The following IFT46 variants were observed in gnomAD, a reference collection of about 807,000 sequenced individuals.
IFT46 encodes intraflagellar transport 46, also known as intraflagellar transport protein 46 homolog.
A neutral mutation model predicts 39.6 loss-of-function variants in IFT46; 19 were observed. The ratio of observed to expected loss-of-function variants is 0.48; its 90% CI spans 0.33 to 0.70. IFT46 has a LOEUF of 0.70. IFT46 is among the 30% of genes least tolerant of loss of function. IFT46 has a pLI of 0.01. For synonymous variants in IFT46, 117 were observed against 134.8 expected, an observed-to-expected ratio of 0.87 and a Z score of 0.91; for missense variants, 334 against 364.8, an observed-to-expected ratio of 0.92 and a Z score of 0.69.
chr11:118,560,390 C>T lies in IFT46; in HGVS notation c.-35-526G>A, dbSNP rs1938001480. On this transcript the variant is annotated intron_variant, in intron 2 of 11. Coordinates refer to ENST00000264021, the MANE Select transcript of IFT46 (RefSeq NM_001168618.2). ...GCAGTGTCCAGTGTTCATGCTGCTG[C>T]ACTCCAGCCCGGGCAACAGAGTGAG... 3 of 171,512 alleles carry T rather than the reference C, an allele frequency of 1.7e-5. No individual in the cohort carries two copies. In the South Asian group the frequency reaches 4.0e-4, roughly 23 times the overall value. 10.6% of individuals were successfully genotyped at this position (171,512 alleles called of 1,614,324 possible). A position where few individuals can be genotyped will look rare whatever the true frequency, so the allele number is the denominator to read the frequency against.
At chr11:118,567,631 C>G (rs1471010823), upstream of IFT46, among the ~76,000 whole-genome samples, 2 of 151,950 alleles carry the variant, frequency 1.3e-5, no homozygotes, top group African/African-American at 4.8e-5. Context: ...GAAATTTGAC[C>G]CTGAAAACCT....
chr11:118,554,965 C>T, intron 6 of IFT46, 25 bp downstream of exon 6: 6 of 1,515,262 alleles, frequency 4.0e-6, no homozygotes, highest in Non-Finnish European at 5.5e-6. Flanking sequence ...CTTAAGGAGT[C>T]ATTTTCAGGA....
chr11:118,544,628 T>C lies in IFT46; in HGVS notation c.*288A>G, dbSNP rs1392698877. The C allele has an allele frequency of 2.8e-6, 1 of 354,616 alleles. No individual in the cohort carries two copies. Among genetic ancestry groups the C allele is most frequent in the Non-Finnish European group, 5.1e-6 (1 of 195,328 alleles). 22.0% of individuals were successfully genotyped at this position (354,616 alleles called of 1,614,324 possible). A position where few individuals can be genotyped will look rare whatever the true frequency, so the allele number is the denominator to read the frequency against. On this transcript the variant is annotated 3_prime_UTR_variant, in exon 12 of 12. Coordinates refer to ENST00000264021, the MANE Select transcript of IFT46 (RefSeq NM_001168618.2). ...CTCACAAAAAGGACATCTTTTAAGC[T>C]TTCCTCCCAATCTAACCTCCATGGG...
intron 7 of IFT46, among the ~76,000 whole-genome samples, chr11:118,553,008 G>T (rs1937700097): frequency 6.6e-6 from 1 of 151,700 alleles, no homozygotes; most frequent in Non-Finnish European, 1.5e-5. Context: ...AGGATTGCTT[G>T]CAGATCGAGG....
At chr11:118,557,423 GAA>G (rs1937879205) in intron 3 of IFT46, 1 of 397,446 alleles carries the variant, frequency 2.5e-6, no homozygotes, top group Non-Finnish European at 4.5e-6. Flanking sequence ...CAGGGAATAT[GAA>G]GTGGGAATAG....
exon 1 of IFT46, chr11:118,572,624 A>AG: frequency 1.3e-6 from 2 of 1,557,218 alleles, no homozygotes; most frequent in Non-Finnish European, 1.7e-6. Flanking sequence ...GGCCTGGGGC[A>AG]GGGGCCGGAG....
chr11:118,559,897 T>C, intron 2 of IFT46, 33 bp from the exon 3 acceptor site: 1 of 1,202,892 alleles, frequency 8.3e-7, no homozygotes, highest in Non-Finnish European at 1.2e-6. Flanking sequence ...TAGATTATTG[T>C]TAAAATGATT....
At chr11:118,571,169 T>C (rs1555072310) in intron 1 of IFT46, among the ~76,000 whole-genome samples, 3 of 152,266 alleles carry the variant, frequency 2.0e-5, no homozygotes. Context: ...TTTTCTTCTA[T>C]TCTGGATCTT....
At chr11:118,551,621 C>T (rs566241301) in intron 9 of IFT46, among the ~76,000 whole-genome samples, 165 bp downstream of exon 9, 45 of 148,234 alleles carry the variant, frequency 3.0e-4, no homozygotes, top group Non-Finnish European at 4.7e-4. Flanking sequence ...CTGCAGTGAG[C>T]CATGATCATG....
At chr11:118,552,015 G>T (rs1297864275) in intron 8 of IFT46, among the ~76,000 whole-genome samples, 163 bp from the exon 9 acceptor site, 4 of 152,178 alleles carry the variant, frequency 2.6e-5, no homozygotes, top group African/African-American at 9.7e-5. Context: ...AGGGCCTGGG[G>T]TTTGGAGGAG....
chr11:118,576,213 G>C (rs554680142), upstream of IFT46, among the ~76,000 whole-genome samples: 4 of 151,818 alleles, frequency 2.6e-5, no homozygotes, highest in African/African-American at 9.7e-5. Flanking sequence ...GTGTAGGAGA[G>C]AGTTGTTATT....
intron 7 of IFT46, among the ~76,000 whole-genome samples, 156 bp downstream of exon 7, chr11:118,554,303 G>A (rs531801276): frequency 1.3e-5 from 2 of 151,818 alleles, no homozygotes; most frequent in East Asian, 1.9e-4. Context: ...TGATCCACCC[G>A]CCTCGGCCTC....
At chr11:118,554,090 G>A (rs1419971566) in intron 7 of IFT46, among the ~76,000 whole-genome samples, 2 of 140,720 alleles carry the variant, frequency 1.4e-5, no homozygotes, top group Non-Finnish European at 3.0e-5. Context: ...TAGCTCTGTT[G>A]CCCAGGCTGG....
chr11:118,549,317 C>T (rs983306684), intron 9 of IFT46, among the ~76,000 whole-genome samples: 1 of 151,064 alleles, frequency 6.6e-6, no homozygotes, highest in Non-Finnish European at 1.5e-5. Flanking sequence ...CTGGGATTTA[C>T]AGGTATGAGC....
At chr11:118,546,304 C>T (rs530807840) in intron 9 of IFT46, 2 of 614,850 alleles carry the variant, frequency 3.3e-6, no homozygotes, top group South Asian at 4.0e-5. Flanking sequence ...TCGAGACCAG[C>T]CTGGGCAACA....
At position 118,544,954 on chromosome 11, in the gene IFT46, A is replaced by T; in HGVS notation, c.877T>A (p.Ser293Thr). ...AATGTCTCCATGTCTCCAGCTTGGG[A>T]GGTGGAATTGGATGAAGGAGTGAAT... ...KAFTPSSNST[S>T]QAGDMETLTF... is the part of the protein sequence containing the mutation. The change falls in exon 12 of 12, where the codon TCC becomes ACC. Residue 293 changes from serine (S) to threonine (T), a missense_variant. Coordinates refer to ENST00000264021, the MANE Select transcript of IFT46 (RefSeq NM_001168618.2). The T allele has an allele frequency of 1.2e-6, 2 of 1,613,848 alleles. No homozygotes were observed. Among genetic ancestry groups the T allele is most frequent in the Non-Finnish European group, 1.7e-6 (2 of 1,179,870 alleles).
At chr11:118,556,801 T>A in intron 4 of IFT46, 105 bp downstream of exon 4, 1 of 1,367,416 alleles carries the variant, frequency 7.3e-7, no homozygotes, top group Non-Finnish European at 9.7e-7. Context: ...ATACAGGAGA[T>A]CAAAAGAGAT....
chr11:118,555,272 T>G lies in IFT46; in HGVS notation c.236A>C (p.Lys79Thr). 6.2e-7 allele frequency: 1 copy of G among 1,614,114 alleles called. No individual in the cohort carries two copies. The highest frequency in any genetic ancestry group is 8.5e-7 in the Non-Finnish European group (1 of 1,179,960). The change falls in exon 5 of 12, where the codon AAG (lysine) becomes ACG (threonine). Residue 79 changes from lysine (K) to threonine (T), a missense_variant. By Grantham distance (78) the Lys-to-Thr change is moderately conservative. Transcript: ENST00000264021. ...YEHLPVSAEI[K>T]ELFQYISRYT... ...CCTACTGATGTACTGGAAGAGTTCC[T>G]TAATTTCAGCAGAAACTGGCAAATG...
chr11:118,573,171 A>G (rs924703861), upstream of IFT46, among the ~76,000 whole-genome samples: 1 of 152,168 alleles, frequency 6.6e-6, no homozygotes, highest in African/African-American at 2.4e-5. Context: ...ACTTGTGTCC[A>G]TTTGTTAGTG....
Sources: gnomAD v4.1 joint callset for allele counts (sites outside exome capture counted in the v4.1 genomes callset) on GRCh38, gnomAD v4.1.1 for gene constraint, MANE v1.5 for transcripts, NCBI Gene and HGNC (gene_info 2026-07-23, HGNC 2026-07-21) for gene names.